Variants in RAI1 observed in about 807,000 individuals in gnomAD.
The protein encoded by RAI1 is retinoic acid induced 1, also known as retinoic acid-induced protein 1.
In RAI1, 9 loss-of-function variants were observed where a neutral mutation model predicts 123.8. The observed-to-expected ratio is 0.07, with a 90% CI of 0.04 to 0.13. RAI1 has a LOEUF of 0.13. RAI1 is among the 10% of genes least tolerant of loss of function. RAI1 has a pLI of 1.00. For synonymous variants in RAI1, 1,231 were observed against 1,127.3 expected (o/e 1.09, Z -1.84); for missense variants, 2,256 against 2,545.8 (o/e 0.89, Z 2.45).
chr17:17,718,117 T>G (rs750349405), intron 1 of RAI1, among the ~76,000 whole-genome samples: 1 of 152,086 alleles, frequency 6.6e-6, no homozygotes, highest in Non-Finnish European at 1.5e-5. Context: ...GACTGAGATG[T>G]ACTCCCTCTC....
intron 1 of RAI1, among the ~76,000 whole-genome samples, chr17:17,709,953 G>A (rs972080775): frequency 6.6e-6 from 1 of 152,188 alleles, no homozygotes; most frequent in African/African-American, 2.4e-5. Context: ...CTGTGGCGGC[G>A]CACCTCACGC....
In RAI1 at chr17:17,797,935, T is replaced by G. The variant is rs2032325547; in HGVS notation, c.4987T>G (p.Ser1663Ala). The stretch of plus-strand genomic sequence containing the variant: ...AGGCTCCATCCTGCAGCCGCGGCCC[T>G]CCTTGCCCCTCTCCTCCACGATGCA... ...PGGSILQPRP[S>A]LPLSSTMHLG... Residue 1663 changes from serine to alanine, a missense_variant, in exon 3 of 6, where the codon TCC (serine) becomes GCC (alanine). Ser to Ala is a moderately conservative substitution (Grantham distance 99). Coordinates refer to ENST00000353383, the MANE Select transcript of RAI1 (RefSeq NM_030665.4). 8 of 1,613,952 alleles carry G rather than the reference T, an allele frequency of 5.0e-6. No homozygotes were observed. The South Asian group carries it at 5.5e-5, about 11-fold the overall frequency.
chr17:17,738,784 G>C (rs1389363247), intron 2 of RAI1, among the ~76,000 whole-genome samples: 3 of 152,176 alleles, frequency 2.0e-5, no homozygotes, highest in African/African-American at 7.2e-5. Flanking sequence ...GGCCCTTCTG[G>C]GTGTCAGTCT....
At position 17,811,225 on chromosome 17, in the gene RAI1, G is replaced by C; in HGVS notation, c.*1244G>C. The C allele has an allele frequency of 3.0e-6, 1 of 332,582 alleles. No homozygotes were observed. The highest frequency in any genetic ancestry group is 5.8e-6 in the Non-Finnish European group (1 of 171,030). The allele number at this position is 332,582 out of a possible 1,614,324, so 20.6% of individuals were successfully genotyped here. ...AAACGTGTGTATTATATCTGGCCTC[G>C]TTATATAGTGTATATATATGTATAC... On this transcript the variant is annotated 3_prime_UTR_variant, in exon 6 of 6. Transcript: ENST00000353383.
Position 17,801,752 on chromosome 17 carries a change from G to A in RAI1, c.5566-2004G>A, listed in dbSNP as rs975383037. On this transcript the variant is annotated intron_variant, in intron 3 of 5. Coordinates refer to ENST00000353383, the MANE Select transcript of RAI1 (RefSeq NM_030665.4). The surrounding 1 kb of genome is among the most constrained non-coding windows in gnomAD (Gnocchi z 4.1). ...TTTCTCAGCTGCTGTGGTTGGGATG[G>A]TGCGCCCACCCTGAGCATGTGGGGT... 1.3e-5 allele frequency among the ~76,000 whole-genome samples: 2 copies of A among 152,336 alleles called. No homozygotes were observed. Among genetic ancestry groups the A allele is most frequent in the East Asian group, 1.9e-4 (1 of 5,178 alleles).
At chr17:17,738,405 GGTGGGCAGGAGGGTGCAGCTGAGGAGCCT>G (rs1221815551) in intron 2 of RAI1, among the ~76,000 whole-genome samples, 1 of 150,586 alleles carries the variant, frequency 6.6e-6, no homozygotes, top group African/African-American at 2.4e-5. Context: ...GGCGGGGTGG[GGTGGGCAGGAGGGTGCAGCTGAGGAGCCT>G]GTTTTCCCGG....
chr17:17,746,512 G>C (rs947802640), intron 2 of RAI1, among the ~76,000 whole-genome samples: 9 of 152,242 alleles, frequency 5.9e-5, no homozygotes, highest in African/African-American at 2.2e-4. Context: ...GAGTTCAGGA[G>C]CTCCTGCCAT....
chr17:17,729,338 C>G (rs1257182573), intron 2 of RAI1, among the ~76,000 whole-genome samples: 3 of 152,232 alleles, frequency 2.0e-5, no homozygotes. Flanking sequence ...GACCCTCCAC[C>G]TCCACCCCAG....
At chr17:17,709,586 T>A (rs958322784) in intron 1 of RAI1, among the ~76,000 whole-genome samples, 10 of 152,074 alleles carry the variant, frequency 6.6e-5, no homozygotes, top group African/African-American at 2.4e-4. Flanking sequence ...GCCCACTAGG[T>A]CTCTTTCCTT....
In RAI1 at chr17:17,810,030, C is replaced by A. The variant is rs1006904320; in HGVS notation, c.*49C>A. 1.6e-5 allele frequency: 24 copies of A among 1,542,852 alleles called. No homozygotes were observed. Among genetic ancestry groups the A allele is most frequent in the Non-Finnish European group, 2.1e-5 (24 of 1,144,526 alleles). On this transcript the variant is annotated 3_prime_UTR_variant, in exon 6 of 6. Coordinates refer to ENST00000353383, the MANE Select transcript of RAI1 (RefSeq NM_030665.4). The surrounding 1 kb of genome is among the most constrained non-coding windows in gnomAD (Gnocchi z 4.6). ...AGCCGCCGGAGCCCGCCTGCCCGCC[C>A]GCCGCCGAAGGAGAGGAGCCGCCTG...
chr17:17,793,004 A>G lies in RAI1; in HGVS notation c.56A>G (p.Gln19Arg). The change falls in exon 3 of 6, where the codon CAG becomes CGG. Residue 19 changes from glutamine to arginine, a missense_variant. Physicochemically the swap from Gln to Arg is conservative, Grantham distance 43. Coordinates refer to ENST00000353383, the MANE Select transcript of RAI1 (RefSeq NM_030665.4). ...CATGGCAAACAACAGAACTACCAGC[A>G]GACCTCGCAGGAAACATCACGCCTA... The part of the protein sequence containing the change: ...GFHGKQQNYQ[Q>R]TSQETSRLEN... 1.9e-6 allele frequency: 3 copies of G among 1,613,958 alleles called. No individual in the cohort carries two copies. Among genetic ancestry groups the G allele is most frequent in the Non-Finnish European group, 2.5e-6 (3 of 1,179,954 alleles).
intron 1 of RAI1, among the ~76,000 whole-genome samples, chr17:17,689,081 T>A (rs1914751747): frequency 6.6e-6 from 1 of 151,630 alleles, no homozygotes; most frequent in East Asian, 1.9e-4. Context: ...TCAGCCTCCC[T>A]AGTAGCTGGG....
chr17:17,783,580 C>T (rs1026092180), intron 2 of RAI1, among the ~76,000 whole-genome samples: 1 of 152,188 alleles, frequency 6.6e-6, no homozygotes, highest in African/African-American at 2.4e-5. Flanking sequence ...CCCTGCGCTG[C>T]TCCCCGTCCC....
intron 2 of RAI1, among the ~76,000 whole-genome samples, chr17:17,771,869 C>G (rs1249979842): frequency 1.3e-5 from 2 of 152,210 alleles, no homozygotes; most frequent in African/African-American, 4.8e-5. Context: ...CAGAGGGAGG[C>G]CACCACCATA....
chr17:17,791,844 G>T (rs895500127), intron 2 of RAI1, among the ~76,000 whole-genome samples: 1 of 152,126 alleles, frequency 6.6e-6, no homozygotes, highest in African/African-American at 2.4e-5. Context: ...TGCTCTGAGA[G>T]GCTCCCGCAA....
At chr17:17,699,860 G>A (rs1915160182) in intron 1 of RAI1, among the ~76,000 whole-genome samples, 1 of 152,128 alleles carries the variant, frequency 6.6e-6, no homozygotes. Context: ...TGTCACACAT[G>A]ATAGTGTGGC....
At chr17:17,787,132 TG>T (rs1240446086) in intron 2 of RAI1, among the ~76,000 whole-genome samples, 1 of 152,174 alleles carries the variant, frequency 6.6e-6, no homozygotes, top group Non-Finnish European at 1.5e-5. Flanking sequence ...CAGGCACTCC[TG>T]GGGCTTGGGG....
chr17:17,781,958 C>T (rs1198431732), intron 2 of RAI1, among the ~76,000 whole-genome samples: 1 of 152,178 alleles, frequency 6.6e-6, no homozygotes, highest in Non-Finnish European at 1.5e-5. Flanking sequence ...CCCGGGCCGG[C>T]CGCCCCCTTT....
At chr17:17,710,599 G>T (rs1207806791) in intron 1 of RAI1, among the ~76,000 whole-genome samples, 1 of 152,184 alleles carries the variant, frequency 6.6e-6, no homozygotes, top group Non-Finnish European at 1.5e-5. Context: ...GGCCCTGCTG[G>T]CCCTGGCACT....
Sources: allele counts gnomAD v4.1 joint callset (sites outside exome capture counted in the v4.1 genomes callset), GRCh38; gene constraint gnomAD v4.1.1; non-coding constraint Gnocchi (gnomAD v3.1); transcripts MANE v1.5; gene names NCBI Gene and HGNC (gene_info 2026-07-23, HGNC 2026-07-21).